PTCH1: variants seen among roughly 807,000 people sequenced by gnomAD.
PTCH1 encodes patched 1.
A neutral mutation model predicts 144.6 loss-of-function variants in PTCH1; 14 were observed. That is an observed-to-expected ratio of 0.10 (90% CI 0.06 to 0.15). PTCH1 has a LOEUF of 0.15. Among genes scored for constraint, PTCH1 ranks in the 10% least tolerant of loss-of-function variants. The pLI is 1.00. For missense variants in PTCH1, 1,623 were observed against 1,948.3 expected, an observed-to-expected ratio of 0.83 and a Z score of 3.14; for synonymous variants, 833 against 793.6, an observed-to-expected ratio of 1.05 and a Z score of -0.83.
At chr9:95,492,940 C>T (rs1322786615) in intron 2 of PTCH1, among the ~76,000 whole-genome samples, 1 of 152,080 alleles carries the variant, frequency 6.6e-6, no homozygotes, top group Non-Finnish European at 1.5e-5. Context: ...CAGCCCTAAG[C>T]CTCTTTACCT....
chr9:95,505,448 A>G (rs527656196), intron 2 of PTCH1, among the ~76,000 whole-genome samples: 3 of 152,290 alleles, frequency 2.0e-5, no homozygotes, highest in Non-Finnish European at 4.4e-5. Flanking sequence ...CCAGCGGGGG[A>G]AAAAAATTGA....
At chr9:95,454,551 A>G (rs890569045) in intron 19 of PTCH1, among the ~76,000 whole-genome samples, 3 of 152,246 alleles carry the variant, frequency 2.0e-5, no homozygotes, top group African/African-American at 4.8e-5. Context: ...TAAAGACATT[A>G]GGGTCAATAT....
chr9:95,446,795 C>T (rs938673827), intron 23 of PTCH1, 116 bp downstream of exon 23: 117 of 1,362,370 alleles, frequency 8.6e-5, no homozygotes, highest in South Asian at 3.8e-4. Flanking sequence ...TGGGGTCCAG[C>T]GTGGGATGTG....
chr9:95,510,585 A>G (rs1053874843), upstream of PTCH1, among the ~76,000 whole-genome samples: 1 of 150,596 alleles, frequency 6.6e-6, no homozygotes, highest in African/African-American at 2.4e-5. Flanking sequence ...TGCGGTAGGA[A>G]CCCGACCCGC....
In PTCH1 at chr9:95,458,285, C is replaced by T. The variant is rs1253559528; in HGVS notation, c.2896G>A (p.Ala966Thr). The T allele has an allele frequency of 1.2e-6, 2 of 1,613,746 alleles. No individual in the cohort carries two copies. The highest frequency in any genetic ancestry group is 2.2e-5 in the South Asian group (2 of 91,008). ...AACTGGGCATACTCGATGGGCTCTG[C>T]TGCCGGGACTGGACAGAGAAGGGCA... ...MPETRLRIPA[A>T]EPIEYAQFPF... The change falls in exon 18 of 24, where the codon GCA becomes ACA. Residue 966 changes from alanine to threonine, a missense_variant. Coordinates refer to ENST00000331920, the MANE Select transcript of PTCH1 (RefSeq NM_000264.5). This position sits in a 1 kb window ranked among gnomAD's most constrained non-coding sequence, Gnocchi z 4.7.
At chr9:95,494,639 C>T (rs892745125) in intron 2 of PTCH1, among the ~76,000 whole-genome samples, 8 of 152,152 alleles carry the variant, frequency 5.3e-5, no homozygotes, top group African/African-American at 1.9e-4. Flanking sequence ...AGGAAGTGGG[C>T]GGGCCCAGAG....
intron 2 of PTCH1, chr9:95,495,215 G>A (rs140693819): frequency 5.9e-5 from 9 of 152,164 alleles, no homozygotes; most frequent in Non-Finnish European, 1.2e-4. Context: ...TTTCATCACC[G>A]GGTCAGCATG....
At chr9:95,473,701 C>T (rs542526153) in intron 12 of PTCH1, among the ~76,000 whole-genome samples, 14 of 151,824 alleles carry the variant, frequency 9.2e-5, no homozygotes, top group Non-Finnish European at 1.6e-4. Flanking sequence ...TGAGCCACCG[C>T]GCCCGGCAAA....
rs371754748 is a variant in PTCH1 at position 95,490,395 on chromosome 9, C to G, written c.395-4521G>C. 2.9e-4 allele frequency among the ~76,000 whole-genome samples: 44 copies of G among 151,968 alleles called. No homozygotes were observed. In the East Asian group the frequency reaches 5.1e-3, roughly 18 times the overall value. On this transcript the variant is annotated intron_variant, in intron 2 of 23. Coordinates refer to ENST00000331920, the MANE Select transcript of PTCH1 (RefSeq NM_000264.5). ...ACTTCAGAGGCTGAAGTGTGAGGAT[C>G]GCTTGAGCCCAGGAGTTGGGGGGTG...
At chr9:95,473,101 G>T (rs1050447716) in intron 12 of PTCH1, among the ~76,000 whole-genome samples, 5 of 152,196 alleles carry the variant, frequency 3.3e-5, no homozygotes, top group African/African-American at 1.2e-4. Context: ...AAACACTACT[G>T]GGCTACCAGC....
At chr9:95,503,550 AGAATGAAT>A (rs111557741) in intron 2 of PTCH1, among the ~76,000 whole-genome samples, 2 of 152,108 alleles carry the variant, frequency 1.3e-5, no homozygotes, top group South Asian at 2.1e-4. Flanking sequence ...AATCTAGCAC[AGAATGAAT>A]GAATGAATGA....
intron 8 of PTCH1, among the ~76,000 whole-genome samples, chr9:95,478,626 G>C (rs1224407917): frequency 6.6e-6 from 1 of 152,160 alleles, no homozygotes; most frequent in East Asian, 1.9e-4. Context: ...CACTGCTTGG[G>C]AAACAAAGGC....
At chr9:95,451,364 C>T (rs936402679) in intron 20 of PTCH1, 1 of 152,190 alleles carries the variant, frequency 6.6e-6, no homozygotes, top group South Asian at 2.1e-4. Flanking sequence ...CTTGGTGAGG[C>T]CTTTATCAGG....
chr9:95,469,293 C>A, intron 13 of PTCH1, 140 bp from the exon 14 acceptor site: 1 of 1,166,410 alleles, frequency 8.6e-7, no homozygotes, highest in South Asian at 1.3e-5. Flanking sequence ...TTGCTGAATT[C>A]CAGAAACATC....
At chr9:95,448,967 C>T in intron 22 of PTCH1, 102 bp downstream of exon 22, 7 of 1,510,396 alleles carry the variant, frequency 4.6e-6, no homozygotes, top group Non-Finnish European at 6.4e-6. Context: ...ATCCCATCTG[C>T]CTGTGTGATG....
intron 5 of PTCH1, among the ~76,000 whole-genome samples, chr9:95,480,916 T>TG (rs1425569213): frequency 6.6e-6 from 1 of 152,126 alleles, no homozygotes; most frequent in Non-Finnish European, 1.5e-5. Context: ...AATTTTTTTT[T>TG]TTTTAAAAAA....
intron 15 of PTCH1, among the ~76,000 whole-genome samples, chr9:95,462,353 C>G (rs1839563914): frequency 6.6e-6 from 1 of 152,188 alleles, no homozygotes; most frequent in South Asian, 2.1e-4. Context: ...CCGTTTCGTG[C>G]CACTCGGGGT....
At position 95,508,687 on chromosome 9, in the gene PTCH1, G is replaced by A. The variant is rs1352993249; in HGVS notation, c.-326C>T. 4 of 987,132 alleles carry A rather than the reference G, an allele frequency of 4.1e-6. No homozygotes were observed. Among genetic ancestry groups the A allele is most frequent in the East Asian group, 1.1e-4 (1 of 9,164 alleles). 61.1% of individuals were successfully genotyped at this position (987,132 alleles called of 1,614,324 possible). A position where few individuals can be genotyped will look rare whatever the true frequency, so the allele number is the denominator to read the frequency against. On this transcript the variant is annotated 5_prime_UTR_variant, in exon 1 of 24. Transcript: ENST00000331920. ...GCGGAAGAGCGAGAGCCGGCGCGCC[G>A]AGCGAGCCTGTCCTTCGGGCGCTTC...
rs1269976565 is a variant in PTCH1 at position 95,508,200 on chromosome 9, G to A, written c.162C>T (p.Ser54=). The A allele has an allele frequency of 6.2e-7, 1 of 1,612,550 alleles. No individual in the cohort carries two copies. Among genetic ancestry groups the A allele is most frequent in the East Asian group, 2.2e-5 (1 of 44,856 alleles). The change falls in exon 1 of 24, where the codon AGC becomes AGT. Residue 54 remains serine, a synonymous_variant. Coordinates refer to ENST00000331920, the MANE Select transcript of PTCH1 (RefSeq NM_000264.5). The part of the protein sequence containing the change: ...APDRDYLHRP[S]YCDAAFALEQ... ...CCAGAGCGAAGGCGGCGTCGCAGTA[G>A]CTGGGCCGGTGCAGATAGTCCCGGT...
Sources: allele counts gnomAD v4.1 joint callset (sites outside exome capture counted in the v4.1 genomes callset), GRCh38; gene constraint gnomAD v4.1.1; non-coding constraint Gnocchi (gnomAD v3.1); transcripts MANE v1.5; gene names NCBI Gene and HGNC (gene_info 2026-07-23, HGNC 2026-07-21).